The following IQCM variants were observed in gnomAD, a reference collection of about 807,000 sequenced individuals.
IQCM encodes IQ domain-containing protein M.
A neutral mutation model predicts 57.6 loss-of-function variants in IQCM; 45 were observed. The observed-to-expected ratio is 0.78, with a 90% CI of 0.62 to 1.00. The LOEUF (loss-of-function observed/expected upper bound fraction) is 1.00. Among genes scored for constraint, IQCM ranks in the 50% least tolerant of loss-of-function variants. The pLI, the probability that IQCM is intolerant of heterozygous loss-of-function variation, is 0.00. For missense variants in IQCM, 468 were observed against 511.6 expected, an observed-to-expected ratio of 0.91 and a Z score of 0.82; for synonymous variants, 148 against 158.9, an observed-to-expected ratio of 0.93 and a Z score of 0.51.
At position 149,712,288 on chromosome 4, in the gene IQCM, G is replaced by A. The variant is rs577564451; in HGVS notation, c.385+20956C>T. On this transcript the variant is annotated intron_variant, in intron 5 of 13. Transcript: ENST00000636793. Reference sequence around the variant, plus strand: ...GCTCAGGCAACAGCTGTTTTGCACCGGACAGTGATTAGGATTGATCTCTTT... The same window carrying A: ...GCTCAGGCAACAGCTGTTTTGCACCAGACAGTGATTAGGATTGATCTCTTT... Among the ~76,000 whole-genome samples the A allele has an allele frequency of 1.5e-3, 234 of 152,030 alleles. 1 individual carries two copies. The highest frequency in any genetic ancestry group is 5.4e-3 in the African/African-American group (224 of 41,442).
intron 12 of IQCM, among the ~76,000 whole-genome samples, chr4:149,534,264 T>C (rs375513221): frequency 7.2e-5 from 11 of 152,162 alleles, no homozygotes; most frequent in Non-Finnish European, 1.6e-4. Flanking sequence ...ATGCACACTA[T>C]AAATTGTAGG....
chr4:149,582,052 G>A (rs570590396), intron 9 of IQCM, among the ~76,000 whole-genome samples: 218 of 151,136 alleles, frequency 1.4e-3, no homozygotes, highest in African/African-American at 5.0e-3. Context: ...TGGTAAGAAC[G>A]AGAAGTGAAT....
At chr4:149,523,180 A>ACT (rs1211054395) in intron 12 of IQCM, among the ~76,000 whole-genome samples, 2 of 152,148 alleles carry the variant, frequency 1.3e-5, no homozygotes, top group Non-Finnish European at 2.9e-5. Flanking sequence ...CTCTTCTTAT[A>ACT]AAAGCACTAA....
At chr4:149,370,806 G>T (rs1275707695) in intron 13 of IQCM, among the ~76,000 whole-genome samples, 1 of 151,682 alleles carries the variant, frequency 6.6e-6, no homozygotes, top group Non-Finnish European at 1.5e-5. Flanking sequence ...CACTCTGATA[G>T]GTTTCCAACA....
chr4:149,795,837 C>T (rs1254116027), intron 2 of IQCM, among the ~76,000 whole-genome samples: 1 of 152,210 alleles, frequency 6.6e-6, no homozygotes, highest in Non-Finnish European at 1.5e-5. Context: ...GAAGGGAACA[C>T]ACTGCCTTGA....
chr4:149,388,487 T>C (rs984775914), intron 13 of IQCM, among the ~76,000 whole-genome samples: 2 of 145,284 alleles, frequency 1.4e-5, no homozygotes, highest in Non-Finnish European at 3.0e-5. Context: ...GACACATACA[T>C]ATATGTCCAA....
intron 10 of IQCM, among the ~76,000 whole-genome samples, chr4:149,557,665 C>T (rs1449086850): frequency 1.3e-5 from 2 of 151,726 alleles, no homozygotes; most frequent in African/African-American, 4.9e-5. Flanking sequence ...CCCAACTTCC[C>T]ACCGGCAAGT....
intron 13 of IQCM, among the ~76,000 whole-genome samples, chr4:149,352,819 T>C (rs1341363873): frequency 6.6e-6 from 1 of 152,174 alleles, no homozygotes; most frequent in Non-Finnish European, 1.5e-5. Context: ...TAAAATGACT[T>C]TGCAATTAAT....
intron 13 of IQCM, among the ~76,000 whole-genome samples, chr4:149,391,651 T>A (rs1016194102): frequency 2.0e-5 from 3 of 151,996 alleles, no homozygotes; most frequent in African/African-American, 7.2e-5. Flanking sequence ...CTCTAAGCAC[T>A]GCTTTAAGTT....
chr4:149,536,516 C>T (rs944288745), intron 12 of IQCM, among the ~76,000 whole-genome samples: 1 of 152,006 alleles, frequency 6.6e-6, no homozygotes, highest in African/African-American at 2.4e-5. Flanking sequence ...ATCCTACCCT[C>T]TATCTAAGGA....
chr4:149,422,444 C>T (rs2111223450), intron 13 of IQCM, among the ~76,000 whole-genome samples: 1 of 152,020 alleles, frequency 6.6e-6, no homozygotes, highest in South Asian at 2.1e-4. Context: ...TTCAGATTTT[C>T]CTTCAGAAAA....
chr4:149,453,901 A>G (rs1737396272), intron 12 of IQCM, among the ~76,000 whole-genome samples: 1 of 151,836 alleles, frequency 6.6e-6, no homozygotes, highest in African/African-American at 2.4e-5. Flanking sequence ...TGTTTATACA[A>G]AAACTTGTAA....
In IQCM at chr4:149,714,442, A is replaced by G. The variant is rs145755002; in HGVS notation, c.385+18802T>C. 3.9e-3 allele frequency among the ~76,000 whole-genome samples: 587 copies of G among 152,292 alleles called. 9 individuals are homozygous for G. Among genetic ancestry groups the G allele is most frequent in the African/African-American group, 0.013 (539 of 41,562 alleles). On this transcript the variant is annotated intron_variant, in intron 5 of 13. Transcript: ENST00000636793. ...TGATAACTGATACTGGTCCTTTCCC[A>G]TGAACTCCAAATCCAGATATCCAAC... is the stretch of plus-strand genomic sequence containing the variant.
chr4:149,578,383 G>A (rs1473255145), intron 9 of IQCM, among the ~76,000 whole-genome samples: 2 of 151,716 alleles, frequency 1.3e-5, no homozygotes, highest in Non-Finnish European at 2.9e-5. Flanking sequence ...TACCATTGAG[G>A]TCAACTGAAA....
At chr4:149,815,218 G>A (rs1258099597) in intron 2 of IQCM, 93 bp downstream of exon 2, 1 of 151,858 alleles carries the variant, frequency 6.6e-6, no homozygotes, top group Non-Finnish European at 1.5e-5. Context: ...ATAACTGAAG[G>A]CACATGAGGA....
chr4:149,792,211 A>ATTTAT (rs2150031708), intron 2 of IQCM, among the ~76,000 whole-genome samples: 1 of 152,312 alleles, frequency 6.6e-6, no homozygotes, highest in East Asian at 1.9e-4. Context: ...GGGAGCCCAT[A>ATTTAT]TTTATATTCA....
intron 13 of IQCM, among the ~76,000 whole-genome samples, chr4:149,358,558 G>T (rs1438109223): frequency 2.0e-5 from 3 of 152,086 alleles, no homozygotes; most frequent in Non-Finnish European, 4.4e-5. Context: ...GAGTGGTTTT[G>T]AGTGAGTTTC....
intron 12 of IQCM, among the ~76,000 whole-genome samples, chr4:149,541,365 G>C (rs1747829628): frequency 6.6e-6 from 1 of 151,848 alleles, no homozygotes; most frequent in African/African-American, 2.4e-5. Context: ...TTTTTGTCTA[G>C]GGCTCCTCAC....
Position 149,433,543 on chromosome 4 carries a change from AT to A in IQCM, c.1242del (p.Lys414AsnfsTer5). ...TTGGACTTTTTGATTAGTTCAGAAT[AT>A]TTTTCTTTGCCATCTATAAAGAAAA... ...WDLVHQDGKE[K>X]YSELIKKSKA... On this transcript the variant is annotated frameshift_variant, in exon 13 of 14. Coordinates refer to ENST00000636793, the MANE Select transcript of IQCM (RefSeq NM_001363507.2). LOFTEE classifies it high-confidence loss of function. 4 of 1,160,198 alleles carry A rather than the reference AT, an allele frequency of 3.4e-6. No individual in the cohort carries two copies. The highest frequency in any genetic ancestry group is 4.3e-6 in the Non-Finnish European group (4 of 923,016). 71.9% of individuals were successfully genotyped at this position (1,160,198 alleles called of 1,614,324 possible).
Sources: gnomAD v4.1 joint callset for allele counts (sites outside exome capture counted in the v4.1 genomes callset) on GRCh38, gnomAD v4.1.1 for gene constraint, MANE v1.5 for transcripts, NCBI Gene and HGNC (gene_info 2026-07-23, HGNC 2026-07-21) for gene names.